Variants in ZFHX3 observed in about 807,000 individuals in gnomAD.
ZFHX3 encodes the protein zinc finger homeobox 3, also known as zinc finger homeobox protein 3.
ZFHX3 carries 42 observed loss-of-function variants against 279.1 expected under a neutral mutation model. The ratio of observed to expected loss-of-function variants is 0.15; its 90% CI spans 0.12 to 0.19. The LOEUF is 0.19. ZFHX3 is among the 10% of genes least tolerant of loss of function. The pLI is 1.00. For missense variants in ZFHX3, 4,981 were observed against 4,754.0 expected (o/e 1.05, Z -1.40); for synonymous variants, 2,293 against 1,957.8 (o/e 1.17, Z -4.52).
chr16:73,050,223 T>G (rs1427286074), upstream of ZFHX3, among the ~76,000 whole-genome samples: 1 of 152,224 alleles, frequency 6.6e-6, no homozygotes, highest in African/African-American at 2.4e-5. Context: ...GAACAAGCTA[T>G]TAAAGTAACC....
chr16:73,891,775 T>TCTCTCTCTCTCTCTCTC (rs2030547283), exon 1 of ZFHX3: 1 of 144,002 alleles, frequency 6.9e-6, no homozygotes, highest in Non-Finnish European at 1.5e-5. Flanking sequence ...TCTCTCTCTC[T>TCTCTCTCTCTCTCTCTC]TCCTCCTCCT....
intron 2 of ZFHX3, among the ~76,000 whole-genome samples, chr16:73,493,030 T>C (rs371756350): frequency 6.6e-6 from 1 of 152,330 alleles, no homozygotes; most frequent in Admixed American, 6.5e-5. Context: ...AATATTTTGC[T>C]CTATGTATAA....
At chr16:73,807,801 C>A (rs1480252457) in intron 1 of ZFHX3, among the ~76,000 whole-genome samples, 1 of 151,774 alleles carries the variant, frequency 6.6e-6, no homozygotes, top group African/African-American at 2.4e-5. Flanking sequence ...AAAGACATCC[C>A]ACCTACCCAC....
At chr16:73,349,612 TCCTCCCTCCCTTCCTC>T (rs2016187351) in intron 3 of ZFHX3, among the ~76,000 whole-genome samples, 6 of 112,894 alleles carry the variant, frequency 5.3e-5, no homozygotes, top group South Asian at 2.9e-4. Flanking sequence ...CTCCCTTACT[TCCTCCCTCCCTTCCTC>T]CCTCCCTCCC....
At chr16:73,804,469 A>C (rs1002873533) in intron 1 of ZFHX3, among the ~76,000 whole-genome samples, 2 of 152,218 alleles carry the variant, frequency 1.3e-5, no homozygotes, top group African/African-American at 4.8e-5. Context: ...AGCATTAAGC[A>C]GTCAGAAACA....
At chr16:73,380,652 CAA>C in intron 3 of ZFHX3, among the ~76,000 whole-genome samples, 1 of 152,236 alleles carries the variant, frequency 6.6e-6, no homozygotes, top group South Asian at 2.1e-4. Flanking sequence ...GAAAAAATGA[CAA>C]GAGATTAAGA....
At chr16:72,802,350 A>C (rs2036129486) in intron 7 of ZFHX3, among the ~76,000 whole-genome samples, 1 of 152,008 alleles carries the variant, frequency 6.6e-6, no homozygotes, top group Non-Finnish European at 1.5e-5. Flanking sequence ...CCTGATTGGG[A>C]TTCAAGAAGG....
At chr16:73,083,130 G>T (rs748674154) in intron 8 of ZFHX3, among the ~76,000 whole-genome samples, 3 of 152,102 alleles carry the variant, frequency 2.0e-5, no homozygotes, top group Non-Finnish European at 4.4e-5. Context: ...TTGAACCCAG[G>T]AGGTAGAGGT....
intron 5 of ZFHX3, among the ~76,000 whole-genome samples, chr16:73,253,924 A>G (rs2013587252): frequency 6.6e-6 from 1 of 152,142 alleles, no homozygotes; most frequent in Non-Finnish European, 1.5e-5. Context: ...GAGAAAAAAA[A>G]TTGCCTGCTA....
chr16:72,960,324 A>G (rs1171579673), intron 1 of ZFHX3, 130 bp from the exon 2 acceptor site: 2 of 650,692 alleles, frequency 3.1e-6, no homozygotes, highest in East Asian at 3.1e-5. Context: ...CACAACACAG[A>G]GACACAGGGC....
At chr16:73,400,781 C>T (rs1048325396) in intron 3 of ZFHX3, 1 of 152,130 alleles carries the variant, frequency 6.6e-6, no homozygotes, top group Admixed American at 6.5e-5. Context: ...TCTTTGTTGT[C>T]CTTAAAAAAG....
At chr16:73,695,709 G>A (rs1353361779) in intron 1 of ZFHX3, among the ~76,000 whole-genome samples, 5 of 152,204 alleles carry the variant, frequency 3.3e-5, no homozygotes, top group Admixed American at 3.3e-4. Flanking sequence ...GCTGCCAAGA[G>A]AATGCGATAA....
At chr16:73,550,211 G>T (rs544408919) in intron 2 of ZFHX3, among the ~76,000 whole-genome samples, 4 of 152,180 alleles carry the variant, frequency 2.6e-5, no homozygotes, top group African/African-American at 9.6e-5. Context: ...CCCAGATGAC[G>T]GCTCATTGAG....
At chr16:73,621,171 C>T (rs1489945241) in intron 2 of ZFHX3, among the ~76,000 whole-genome samples, 1 of 152,192 alleles carries the variant, frequency 6.6e-6, no homozygotes, top group Non-Finnish European at 1.5e-5. Context: ...TCCACTGTAT[C>T]CTGAGTCTTT....
At chr16:73,758,982 G>A (rs1367796387) in intron 1 of ZFHX3, among the ~76,000 whole-genome samples, 1 of 152,206 alleles carries the variant, frequency 6.6e-6, no homozygotes, top group Admixed American at 6.5e-5. Flanking sequence ...GGCATTACAA[G>A]TTAATCCAGG....
chr16:72,986,447 G>C (rs990638494), intron 1 of ZFHX3, among the ~76,000 whole-genome samples: 1 of 152,268 alleles, frequency 6.6e-6, no homozygotes, highest in Admixed American at 6.5e-5. Flanking sequence ...AACTGAACAT[G>C]GTCAAATGCT....
intron 1 of ZFHX3, among the ~76,000 whole-genome samples, chr16:73,889,856 G>A (rs1223051064): frequency 6.6e-6 from 1 of 152,088 alleles, no homozygotes; most frequent in Admixed American, 6.6e-5. Context: ...TTTTCCATTT[G>A]TGTATTATTC....
At position 72,794,174 on chromosome 16, in the gene ZFHX3, G is replaced by A. The variant is rs760288819; in HGVS notation, c.8508C>T (p.Ser2836=). 1 of 1,614,188 alleles carries A rather than the reference G, an allele frequency of 6.2e-7. No homozygotes were observed. Among genetic ancestry groups the A allele is most frequent in the South Asian group, 1.1e-5 (1 of 91,078 alleles). Residue 2836 remains serine (S), a synonymous_variant, in exon 9 of 10, where the codon TCC becomes TCT. Coordinates refer to ENST00000268489, the MANE Select transcript of ZFHX3 (RefSeq NM_006885.4). The surrounding 1 kb of genome is among the most constrained non-coding windows in gnomAD (Gnocchi z 4.2). ...DQTKLDNDDC[S]SVNTAITDTT... Reference sequence around the variant, plus strand: ...TATCTGTGATTGCTGTGTTGACAGAGGAACAGTCATCGTTGTCCAGCTTAG... The same window carrying A: ...TATCTGTGATTGCTGTGTTGACAGAAGAACAGTCATCGTTGTCCAGCTTAG...
intron 4 of ZFHX3, among the ~76,000 whole-genome samples, chr16:73,275,301 T>A (rs1331772812): frequency 6.6e-6 from 1 of 152,206 alleles, no homozygotes; most frequent in Admixed American, 6.5e-5. Flanking sequence ...AATGTGTGAA[T>A]TTACCATGCC....
Sources: allele counts gnomAD v4.1 joint callset (sites outside exome capture counted in the v4.1 genomes callset), GRCh38; gene constraint gnomAD v4.1.1; non-coding constraint Gnocchi (gnomAD v3.1); transcripts MANE v1.5; gene names NCBI Gene and HGNC (gene_info 2026-07-23, HGNC 2026-07-21).